REDIC1: variants seen among roughly 807,000 people sequenced by gnomAD.
REDIC1 encodes regulator of DNA class I crossover intermediates 1.
the REDIC1 span, chr12:39,754,878 A>G: frequency 6.6e-6 from 1 of 152,094 alleles, no homozygotes; most frequent in Non-Finnish European, 1.5e-5. Context: ...TATCATATCC[A>G]TAATCAAAAG....
the REDIC1 span, among the ~76,000 whole-genome samples, chr12:39,726,318 C>G: frequency 6.6e-6 from 1 of 152,046 alleles, no homozygotes; most frequent in Non-Finnish European, 1.5e-5. Context: ...CCCTAGCCCC[C>G]CACACCCCAA....
At chr12:39,709,045 C>T in the REDIC1 span, among the ~76,000 whole-genome samples, 57 of 151,784 alleles carry the variant, frequency 3.8e-4, no homozygotes, top group Middle Eastern at 3.4e-3. Context: ...TTAGTAGTTG[C>T]GTAAAATACC....
At chr12:39,888,269 G>A in the REDIC1 span, among the ~76,000 whole-genome samples, 4 of 152,074 alleles carry the variant, frequency 2.6e-5, no homozygotes, top group African/African-American at 9.7e-5. Context: ...CTGTCACCCA[G>A]GCTGGAGTGC....
At chr12:39,818,996 G>A in the REDIC1 span, among the ~76,000 whole-genome samples, 3 of 151,990 alleles carry the variant, frequency 2.0e-5, no homozygotes, top group African/African-American at 7.3e-5. Flanking sequence ...AATGTTAAAC[G>A]AACGAAGATG....
At chr12:39,833,018 C>A in the REDIC1 span, among the ~76,000 whole-genome samples, 1 of 151,956 alleles carries the variant, frequency 6.6e-6, no homozygotes, top group Non-Finnish European at 1.5e-5. Context: ...TTTCTTAGCC[C>A]CCTGATTTCT....
the REDIC1 span, among the ~76,000 whole-genome samples, chr12:39,808,689 C>T: frequency 6.6e-6 from 1 of 152,118 alleles, no homozygotes; most frequent in Non-Finnish European, 1.5e-5. Context: ...TAATGTTGAA[C>T]ATTATATCTA....
chr12:39,734,466 C>G, the REDIC1 span, among the ~76,000 whole-genome samples: 8 of 152,110 alleles, frequency 5.3e-5, no homozygotes, highest in Admixed American at 5.2e-4. Context: ...ATTGTAGTCA[C>G]AAAAATTTTC....
chr12:39,664,384 G>A, the REDIC1 span, among the ~76,000 whole-genome samples: 2 of 152,182 alleles, frequency 1.3e-5, no homozygotes, highest in Admixed American at 6.5e-5. Context: ...CTTCATCCAT[G>A]TCCCTACAAA....
At chr12:39,876,503 G>A in the REDIC1 span, among the ~76,000 whole-genome samples, 6 of 151,920 alleles carry the variant, frequency 3.9e-5, no homozygotes, top group Non-Finnish European at 4.4e-5. Context: ...TTTATCTACC[G>A]TAAATTTTTG....
chr12:39,670,352 A>C, the REDIC1 span, among the ~76,000 whole-genome samples: 2 of 152,026 alleles, frequency 1.3e-5, no homozygotes, highest in Non-Finnish European at 2.9e-5. Flanking sequence ...CACCACACCC[A>C]GCTAATTTTT....
chr12:39,831,872 G>A, the REDIC1 span, among the ~76,000 whole-genome samples: 2 of 152,110 alleles, frequency 1.3e-5, no homozygotes, highest in Admixed American at 1.3e-4. Flanking sequence ...TCAGCACCAT[G>A]CTTCCTGTGC....
At chr12:39,692,285 T>C in the REDIC1 span, 2 of 548,964 alleles carry the variant, frequency 3.6e-6, no homozygotes, top group East Asian at 8.9e-5. Flanking sequence ...TTTTATTAAA[T>C]ATACATGAGT....
At chr12:39,710,285 G>C in the REDIC1 span, among the ~76,000 whole-genome samples, 3 of 151,824 alleles carry the variant, frequency 2.0e-5, no homozygotes, top group Non-Finnish European at 2.9e-5. Flanking sequence ...ATCTTTATCA[G>C]ATTTTCATAT....
the REDIC1 span, among the ~76,000 whole-genome samples, chr12:39,874,397 T>C: frequency 6.6e-6 from 1 of 152,122 alleles, no homozygotes; most frequent in African/African-American, 2.4e-5. Context: ...GTGGATCACC[T>C]GAGGACAGGA....
At chr12:39,788,213 C>T in the REDIC1 span, among the ~76,000 whole-genome samples, 124 of 152,132 alleles carry the variant, frequency 8.2e-4, no homozygotes, top group African/African-American at 2.8e-3. Flanking sequence ...CATTTATAAA[C>T]CTATGAATAT....
At chr12:39,712,539 C>A in the REDIC1 span, among the ~76,000 whole-genome samples, 11 of 138,998 alleles carry the variant, frequency 7.9e-5, no homozygotes, top group Non-Finnish European at 1.6e-4. Flanking sequence ...TACGAATATG[C>A]GTATATACAC....
chr12:39,683,242 G>C, the REDIC1 span: 1 of 1,267,014 alleles, frequency 7.9e-7, no homozygotes, highest in Non-Finnish European at 1.1e-6. Context: ...ATATTTGTAT[G>C]TGTGTTTATG....
chr12:39,725,787 C>T, the REDIC1 span, among the ~76,000 whole-genome samples: 1 of 151,572 alleles, frequency 6.6e-6, no homozygotes, highest in Non-Finnish European at 1.5e-5. Context: ...TAATTGATAT[C>T]TATAAATGTC....
the REDIC1 span, among the ~76,000 whole-genome samples, chr12:39,793,973 G>A: frequency 2.2e-4 from 33 of 151,820 alleles, no homozygotes; most frequent in African/African-American, 7.7e-4. Flanking sequence ...CCAAGAAGAG[G>A]GATGTGGAGA....
Sources: allele counts gnomAD v4.1 joint callset (sites outside exome capture counted in the v4.1 genomes callset), GRCh38; gene constraint gnomAD v4.1.1; transcripts MANE v1.5; gene names NCBI Gene and HGNC (gene_info 2026-07-23, HGNC 2026-07-21).